Variants in PCDH11X observed in about 807,000 individuals in gnomAD.
PCDH11X encodes protocadherin 11 X-linked.
A neutral mutation model predicts 53.3 loss-of-function variants in PCDH11X; 18 were observed. The observed-to-expected ratio is 0.34, with a 90% CI of 0.23 to 0.50. The LOEUF (loss-of-function observed/expected upper bound fraction) is 0.50. Ranked by LOEUF, PCDH11X falls within the 20% of genes least tolerant of loss-of-function variation. PCDH11X has a pLI of 0.98. For synonymous variants in PCDH11X, 279 were observed against 393.3 expected, an observed-to-expected ratio of 0.71 and a Z score of 3.44; for missense variants, 570 against 1,032.4, an observed-to-expected ratio of 0.55 and a Z score of 6.14.
chrX:92,146,816 A>T (rs1203099445), intron 6 of PCDH11X, among the ~76,000 whole-genome samples: 1 of 110,277 alleles, frequency 9.1e-6, no homozygotes, highest in Non-Finnish European at 1.9e-5. Flanking sequence ...CTGGCCAGCA[A>T]GGCGAAACCC....
At chrX:92,140,413 A>G (rs1231210252) in intron 6 of PCDH11X, among the ~76,000 whole-genome samples, 1 of 111,094 alleles carries the variant, frequency 9.0e-6, no homozygotes, top group Non-Finnish European at 1.9e-5. Flanking sequence ...GCTGTTTGTA[A>G]ATGACTAGTA....
chrX:92,365,673 A>T (rs1484466575), intron 8 of PCDH11X, among the ~76,000 whole-genome samples: 1 of 112,089 alleles, frequency 8.9e-6, no homozygotes, highest in East Asian at 2.8e-4. Context: ...TACCTAGTTT[A>T]TTAAGAGTTT....
chrX:92,256,994 G>A (rs2067604921), intron 7 of PCDH11X, among the ~76,000 whole-genome samples: 1 of 111,118 alleles, frequency 9.0e-6, no homozygotes, highest in Admixed American at 9.6e-5. Flanking sequence ...TTCTGAGACT[G>A]GGTAATTTAT....
At chrX:92,513,598 T>C (rs1191029491) in intron 10 of PCDH11X, among the ~76,000 whole-genome samples, 1 of 108,197 alleles carries the variant, frequency 9.2e-6, no homozygotes, top group Non-Finnish European at 1.9e-5. Context: ...AGGCTTGAAA[T>C]GAGGGTTAAG....
At chrX:92,608,927 C>A (rs1171135153) in intron 10 of PCDH11X, among the ~76,000 whole-genome samples, 3 of 110,847 alleles carry the variant, frequency 2.7e-5, no homozygotes, top group Non-Finnish European at 5.7e-5. Context: ...CAGCTCCTGG[C>A]GATCACCGGT....
intron 9 of PCDH11X, among the ~76,000 whole-genome samples, chrX:92,395,191 T>C (rs2071217618): frequency 9.0e-6 from 1 of 111,509 alleles, no homozygotes; most frequent in African/African-American, 3.2e-5. Flanking sequence ...CTAAACAAAC[T>C]TTTTCTGAAT....
rs1413583038 is a variant in PCDH11X at position 91,844,088 on chromosome X, G to T, written c.540+8044G>T. On this transcript the variant is annotated intron_variant, in intron 5 of 10. Coordinates refer to ENST00000682573, the MANE Select transcript of PCDH11X (RefSeq NM_032968.5). ...GAAGAAAACTGTTCTGTAAACAATAGTTATGGGTTTTACTCTGTAGGTTGA... is the reference window on the plus strand; with the variant it reads ...GAAGAAAACTGTTCTGTAAACAATATTTATGGGTTTTACTCTGTAGGTTGA... 2.7e-5 allele frequency among the ~76,000 whole-genome samples: 3 copies of T among 111,575 alleles called. No homozygotes were observed. The East Asian group carries it at 8.4e-4, about 31-fold the overall frequency.
intron 6 of PCDH11X, among the ~76,000 whole-genome samples, chrX:92,045,944 A>T (rs1172062886): frequency 5.5e-5 from 6 of 108,241 alleles, no homozygotes; most frequent in Non-Finnish European, 1.1e-4. Context: ...ATTACAAAAA[A>T]AAAAAAGGAA....
chrX:92,012,911 G>A (rs893817708), intron 6 of PCDH11X, among the ~76,000 whole-genome samples: 37 of 111,246 alleles, frequency 3.3e-4, no homozygotes, highest in Middle Eastern at 4.6e-3. Context: ...AATAATGTGC[G>A]TCAGCCAATA....
chrX:92,343,544 A>G (rs2069815939), intron 8 of PCDH11X, among the ~76,000 whole-genome samples: 1 of 110,397 alleles, frequency 9.1e-6, no homozygotes, highest in African/African-American at 3.3e-5. Flanking sequence ...TTTTATATAA[A>G]GCTATATATC....
At chrX:92,310,170 T>C (rs746161646) in intron 8 of PCDH11X, among the ~76,000 whole-genome samples, 36 of 112,043 alleles carry the variant, frequency 3.2e-4, no homozygotes, top group Non-Finnish European at 6.0e-4. Context: ...TCTAAACAAT[T>C]TTCTCCACCG....
chrX:91,924,915 A>T (rs1464697478), intron 6 of PCDH11X, among the ~76,000 whole-genome samples: 4 of 110,750 alleles, frequency 3.6e-5, no homozygotes, highest in African/African-American at 1.3e-4. Context: ...TAAGAAATAT[A>T]TTAGTATCCA....
intron 1 of PCDH11X, among the ~76,000 whole-genome samples, chrX:91,785,499 C>T (rs1210217825): frequency 1.8e-5 from 2 of 111,770 alleles, no homozygotes; most frequent in African/African-American, 6.5e-5. Flanking sequence ...GGAATTGATT[C>T]AACATCGCTG....
chrX:91,853,550 A>C (rs1178847705), intron 5 of PCDH11X, among the ~76,000 whole-genome samples: 2 of 109,871 alleles, frequency 1.8e-5, no homozygotes, highest in East Asian at 2.8e-4. Context: ...TTATTTTTCT[A>C]ATTTGATTTC....
intron 8 of PCDH11X, among the ~76,000 whole-genome samples, chrX:92,342,927 T>C (rs1230724309): frequency 6.2e-5 from 7 of 112,422 alleles, no homozygotes; most frequent in East Asian, 2.8e-4. Flanking sequence ...TCTTTTCTTA[T>C]AGATGATGAA....
At chrX:91,901,782 T>G (rs1415700558) in intron 6 of PCDH11X, among the ~76,000 whole-genome samples, 6 of 111,952 alleles carry the variant, frequency 5.4e-5, no homozygotes, top group African/African-American at 1.9e-4. Context: ...AATTTTTATT[T>G]GACTGGTTTC....
At chrX:92,281,096 C>T (rs746214152) in intron 8 of PCDH11X, among the ~76,000 whole-genome samples, 1 of 111,093 alleles carries the variant, frequency 9.0e-6, no homozygotes, top group African/African-American at 3.3e-5. Context: ...TTGTGAACTG[C>T]AATCATTGAA....
intron 10 of PCDH11X, among the ~76,000 whole-genome samples, chrX:92,596,960 A>G (rs12393475): frequency 0.016 from 1,803 of 111,741 alleles, 40 homozygotes; most frequent in African/African-American, 0.056. Context: ...TGATTATTTC[A>G]ATTGAAGTCA....
chrX:92,234,585 G>A (rs765735939), intron 7 of PCDH11X, among the ~76,000 whole-genome samples: 9 of 112,006 alleles, frequency 8.0e-5, no homozygotes, highest in Non-Finnish European at 1.3e-4. Flanking sequence ...ATGTGTGTGT[G>A]TGTATATACA....
Sources: gnomAD v4.1 joint callset for allele counts (sites outside exome capture counted in the v4.1 genomes callset) on GRCh38, gnomAD v4.1.1 for gene constraint, MANE v1.5 for transcripts, NCBI Gene and HGNC (gene_info 2026-07-23, HGNC 2026-07-21) for gene names.